The following PABPC4L variants were observed in gnomAD, a reference collection of about 807,000 sequenced individuals.
PABPC4L encodes polyadenylate-binding protein 4-like.
For missense variants in PABPC4L, 452 were observed against 451.4 expected (o/e 1.00, Z -0.01); for synonymous variants, 169 against 164.1 (o/e 1.03, Z -0.23).
chr4:134,100,565 C>T, the PABPC4L span, among the ~76,000 whole-genome samples: 17 of 151,552 alleles, frequency 1.1e-4, no homozygotes, highest in East Asian at 1.9e-4. Context: ...TGGGTGCACA[C>T]GCACATATTC....
the PABPC4L span, among the ~76,000 whole-genome samples, chr4:134,050,854 C>T: frequency 4.0e-5 from 6 of 149,968 alleles, no homozygotes; most frequent in Admixed American, 6.7e-5. Context: ...CCCGACAATT[C>T]CTTCAGAACA....
At chr4:134,095,197 A>G in the PABPC4L span, among the ~76,000 whole-genome samples, 1 of 151,840 alleles carries the variant, frequency 6.6e-6, no homozygotes, top group South Asian at 2.1e-4. Context: ...TGTAATATAG[A>G]GCTTGAAAAT....
chr4:134,111,517 A>C, the PABPC4L span, among the ~76,000 whole-genome samples: 1 of 152,102 alleles, frequency 6.6e-6, no homozygotes. Flanking sequence ...ACACACATAT[A>C]GACTTCTATT....
the PABPC4L span, among the ~76,000 whole-genome samples, chr4:134,086,014 G>A: frequency 6.6e-6 from 1 of 152,092 alleles, no homozygotes; most frequent in South Asian, 2.1e-4. Context: ...AGTAATAATT[G>A]TAATCACTTC....
At chr4:134,082,701 G>C in the PABPC4L span, among the ~76,000 whole-genome samples, 8 of 151,214 alleles carry the variant, frequency 5.3e-5, no homozygotes, top group Non-Finnish European at 1.2e-4. Flanking sequence ...ATTTATATTG[G>C]GCCCATCTCT....
chr4:134,025,767 T>C, the PABPC4L span, among the ~76,000 whole-genome samples: 6 of 152,258 alleles, frequency 3.9e-5, no homozygotes, highest in Non-Finnish European at 5.9e-5. Context: ...TTTAATGTAG[T>C]AATCTGTTTC....
the PABPC4L span, among the ~76,000 whole-genome samples, chr4:134,100,172 G>C: frequency 5.9e-3 from 894 of 151,652 alleles, 11 homozygotes; most frequent in African/African-American, 0.02. Context: ...TAATAATGTG[G>C]CTTGAACTCC....
At chr4:133,982,482 C>T in the PABPC4L span, among the ~76,000 whole-genome samples, 1 of 151,982 alleles carries the variant, frequency 6.6e-6, no homozygotes, top group African/African-American at 2.4e-5. Context: ...AATTAAGCCT[C>T]TAGTGCATTT....
At chr4:134,046,484 T>C in the PABPC4L span, among the ~76,000 whole-genome samples, 2 of 151,578 alleles carry the variant, frequency 1.3e-5, no homozygotes, top group Admixed American at 1.3e-4. Context: ...CCCAGGGACA[T>C]GCAGGAGATG....
rs746989490 is a variant in PABPC4L at position 134,200,756 on chromosome 4, G to C, written c.264C>G (p.Arg88=). The change falls in exon 2 of 2, where the codon CGC becomes CGG. Residue 88 remains arginine (R), a synonymous_variant. Transcript: ENST00000421491. ...GKSIRLMWSQ[R]DAYLRRSGIG... is the part of the protein sequence containing the mutation. ...TTCCAGATCTCCTCAAGTAGGCATC[G>C]CGCTGAGACCACATGAGACGGATGG... The C allele has an allele frequency of 6.4e-7, 1 of 1,551,684 alleles. No individual in the cohort carries two copies. The highest frequency in any genetic ancestry group is 8.7e-7 in the Non-Finnish European group (1 of 1,146,980).
At chr4:134,099,745 T>G in the PABPC4L span, among the ~76,000 whole-genome samples, 1 of 151,562 alleles carries the variant, frequency 6.6e-6, no homozygotes, top group Admixed American at 6.6e-5. Flanking sequence ...GATGTAATCC[T>G]CACAAAAATG....
the PABPC4L span, among the ~76,000 whole-genome samples, chr4:134,110,023 G>A: frequency 6.6e-6 from 1 of 152,038 alleles, no homozygotes; most frequent in Non-Finnish European, 1.5e-5. Flanking sequence ...ATTTGACAAG[G>A]TGAAATAAGT....
chr4:133,965,995 T>C, the PABPC4L span, among the ~76,000 whole-genome samples: 52 of 152,270 alleles, frequency 3.4e-4, no homozygotes, highest in African/African-American at 1.2e-3. Flanking sequence ...AAAGAGCTTT[T>C]GCACAACAAA....
At chr4:134,012,340 C>A in the PABPC4L span, among the ~76,000 whole-genome samples, 2 of 152,074 alleles carry the variant, frequency 1.3e-5, no homozygotes, top group African/African-American at 2.4e-5. Context: ...CCTGTTCCTG[C>A]CTTAACTGAT....
chr4:134,030,773 T>G, the PABPC4L span, among the ~76,000 whole-genome samples: 1 of 152,146 alleles, frequency 6.6e-6, no homozygotes, highest in East Asian at 1.9e-4. Context: ...AATAAAAAAC[T>G]GAAGATAGCA....
chr4:134,167,786 T>G, the PABPC4L span, among the ~76,000 whole-genome samples: 2 of 151,910 alleles, frequency 1.3e-5, no homozygotes, highest in Non-Finnish European at 2.9e-5. Flanking sequence ...CCCAGATATA[T>G]AAAACAAATA....
At chr4:134,154,086 T>G in the PABPC4L span, among the ~76,000 whole-genome samples, 5 of 151,942 alleles carry the variant, frequency 3.3e-5, no homozygotes, top group African/African-American at 1.2e-4. Context: ...GTAAAGATAA[T>G]CTATCTTATT....
At chr4:134,065,332 T>G in the PABPC4L span, among the ~76,000 whole-genome samples, 11 of 74,362 alleles carry the variant, frequency 1.5e-4, no homozygotes, top group African/African-American at 6.2e-4. Flanking sequence ...TGGTTTGTAT[T>G]TATCTAATAT....
the PABPC4L span, among the ~76,000 whole-genome samples, chr4:134,035,307 A>C: frequency 6.6e-6 from 1 of 152,034 alleles, no homozygotes; most frequent in Non-Finnish European, 1.5e-5. Context: ...GTGCTCTATT[A>C]AATTTATTGT....
Sources: gnomAD v4.1 joint callset for allele counts (sites outside exome capture counted in the v4.1 genomes callset) on GRCh38, gnomAD v4.1.1 for gene constraint, MANE v1.5 for transcripts, NCBI Gene and HGNC (gene_info 2026-07-23, HGNC 2026-07-21) for gene names.